Variants in GLE1 observed in about 807,000 individuals in gnomAD.
GLE1 encodes the protein mRNA export factor GLE1.
In GLE1, 78 loss-of-function variants were observed where a neutral mutation model predicts 97.3. The ratio of observed to expected loss-of-function variants is 0.80; its 90% CI spans 0.67 to 0.97. GLE1 has a LOEUF of 0.97. Ranked by LOEUF, GLE1 falls within the 50% of genes least tolerant of loss-of-function variation. The pLI is 0.00. For missense variants in GLE1, 753 were observed against 857.5 expected (o/e 0.88, Z 1.52); for synonymous variants, 302 against 313.4 (o/e 0.96, Z 0.39).
intron 2 of GLE1, among the ~76,000 whole-genome samples, chr9:128,512,590 G>A (rs190653918): frequency 2.0e-4 from 30 of 151,990 alleles, no homozygotes; most frequent in Admixed American, 3.9e-4. Context: ...ATATTGTGGC[G>A]TGCCCTCAGG....
At chr9:128,509,379 T>C (rs1025625100) in intron 2 of GLE1, among the ~76,000 whole-genome samples, 1 of 152,002 alleles carries the variant, frequency 6.6e-6, no homozygotes, top group Non-Finnish European at 1.5e-5. Context: ...TTAACTGATA[T>C]GGTCTCCCTT....
chr9:128,518,833 A>T (rs1244761508), intron 3 of GLE1, among the ~76,000 whole-genome samples: 1 of 145,352 alleles, frequency 6.9e-6, no homozygotes, highest in African/African-American at 2.6e-5. Context: ...GCACCACTAC[A>T]CTCCAGCCTG....
intron 4 of GLE1, 129 bp downstream of exon 4, chr9:128,522,945 A>G: frequency 8.9e-7 from 1 of 1,125,014 alleles, no homozygotes. Flanking sequence ...ATAGGCAGAG[A>G]ATTTTATAAC....
chr9:128,522,550 A>T, intron 3 of GLE1, 118 bp from the exon 4 acceptor site: 1 of 1,102,888 alleles, frequency 9.1e-7, no homozygotes. Flanking sequence ...CTACTTGGGG[A>T]GCTGAGACAA....
At chr9:128,515,473 C>G in intron 2 of GLE1, 56 bp from the exon 3 acceptor site, 1 of 952,260 alleles carries the variant, frequency 1.1e-6, no homozygotes, top group South Asian at 1.4e-5. Flanking sequence ...ATAACACCAA[C>G]TTTACCATAT....
chr9:128,532,662 T>C, intron 9 of GLE1: 2 of 955,720 alleles, frequency 2.1e-6, no homozygotes, highest in Non-Finnish European at 2.5e-6. Context: ...TCTTATTTTA[T>C]AGATTGCCGT....
At chr9:128,511,756 C>T (rs1262662404) in intron 2 of GLE1, among the ~76,000 whole-genome samples, 3 of 151,186 alleles carry the variant, frequency 2.0e-5, no homozygotes, top group East Asian at 3.9e-4. Context: ...AAAAAAAAAA[C>T]TGTAAGCCTT....
intron 3 of GLE1, among the ~76,000 whole-genome samples, chr9:128,516,790 A>C (rs1847001840): frequency 6.6e-6 from 1 of 151,038 alleles, no homozygotes; most frequent in South Asian, 2.1e-4. Context: ...ACGCCTGGCT[A>C]ATTTTTGTAT....
chr9:128,520,784 C>T (rs553046920), intron 3 of GLE1, among the ~76,000 whole-genome samples: 4 of 151,408 alleles, frequency 2.6e-5, no homozygotes, highest in Admixed American at 6.6e-5. Context: ...GACAGGGTCT[C>T]GCTCCGTTGC....
intron 9 of GLE1, among the ~76,000 whole-genome samples, chr9:128,532,037 C>G (rs12339729): frequency 0.27 from 38,644 of 141,898 alleles, 5,570 homozygotes; most frequent in East Asian, 0.4. Flanking sequence ...ACATGGTTGG[C>G]TTTTTTTTTT....
intron 3 of GLE1, among the ~76,000 whole-genome samples, chr9:128,520,255 A>AT (rs941657107): frequency 1.3e-5 from 2 of 149,862 alleles, no homozygotes; most frequent in Non-Finnish European, 3.0e-5. Context: ...GTCTCCAAAA[A>AT]ATATATATAT....
Position 128,504,852 on chromosome 9 carries a change from G to C in GLE1, c.47G>C (p.Ser16Thr). The change falls in exon 1 of 16, where the codon AGT becomes ACT. Residue 16 changes from serine (S) to threonine (T), a missense_variant. Coordinates refer to ENST00000309971, the MANE Select transcript of GLE1 (RefSeq NM_001003722.2). ...TGGGAGACCTTGAAGGCCCTACGCAGTTCCGACAAAGGTCGCCTTTGCTAC... is the reference window on the plus strand; with the variant it reads ...TGGGAGACCTTGAAGGCCCTACGCACTTCCGACAAAGGTCGCCTTTGCTAC... ...RCWETLKALR[S>T]SDKGRLCYYR... 6.2e-7 allele frequency: 1 copy of C among 1,613,798 alleles called. No individual in the cohort carries two copies. Among genetic ancestry groups the C allele is most frequent in the Admixed American group, 1.7e-5 (1 of 60,020 alleles).
intron 12 of GLE1, 138 bp from the exon 13 acceptor site, chr9:128,537,848 T>C: frequency 1.4e-6 from 1 of 696,666 alleles, no homozygotes; most frequent in Non-Finnish European, 2.6e-6. Context: ...TTAGTTTGTG[T>C]TATTTCTGCC....
intron 1 of GLE1, among the ~76,000 whole-genome samples, chr9:128,505,892 A>G (rs1395185800): frequency 6.6e-6 from 1 of 152,142 alleles, no homozygotes; most frequent in African/African-American, 2.4e-5. Context: ...ACGTTGCCAG[A>G]TCCTGTTTCT....
In GLE1 at chr9:128,525,260, G is replaced by A; in HGVS notation, c.966G>A (p.Leu322=). 6.2e-7 allele frequency: 1 copy of A among 1,614,200 alleles called. No homozygotes were observed. The highest frequency in any genetic ancestry group is 8.5e-7 in the Non-Finnish European group (1 of 1,180,024). The change falls in exon 7 of 16, where the codon CTG becomes CTA. Residue 322 remains leucine, a synonymous_variant. Transcript: ENST00000309971. ...CTCTGCGGGAAATGCGGGACCTCCT[G>A]ATGAACTTGGGGCAGGAGATCACCA... ...ERALREMRDL[L]MNLGQEITRA...
At chr9:128,523,133 C>T in intron 4 of GLE1, 147 bp from the exon 5 acceptor site, 1 of 750,358 alleles carries the variant, frequency 1.3e-6, no homozygotes, top group Non-Finnish European at 2.4e-6. Context: ...GAGCTATGCT[C>T]TGCAGCCTGG....
At chr9:128,514,169 C>G (rs1294944829) in intron 2 of GLE1, among the ~76,000 whole-genome samples, 3 of 151,636 alleles carry the variant, frequency 2.0e-5, no homozygotes, top group Non-Finnish European at 2.9e-5. Flanking sequence ...AAAACCCTGT[C>G]TCTACAAAAA....
At chr9:128,507,585 CAAAAAAAAAAAAA>C (rs373872187) in intron 1 of GLE1, among the ~76,000 whole-genome samples, 2 of 75,152 alleles carry the variant, frequency 2.7e-5, no homozygotes, top group African/African-American at 5.0e-5. Context: ...GCCTGTCTCT[CAAAAAAAAAAAAA>C]AAAAAATAGT....
At chr9:128,540,374 T>C (rs753502191) in intron 15 of GLE1, 36 bp downstream of exon 15, 4 of 1,385,296 alleles carry the variant, frequency 2.9e-6, no homozygotes, top group Non-Finnish European at 3.1e-6. Context: ...CCCACACTGT[T>C]GTTGGGCTGG....
Sources: gnomAD v4.1 joint callset for allele counts (sites outside exome capture counted in the v4.1 genomes callset) on GRCh38, gnomAD v4.1.1 for gene constraint, MANE v1.5 for transcripts, NCBI Gene and HGNC (gene_info 2026-07-23, HGNC 2026-07-21) for gene names.